Variants in CHAF1B observed in about 807,000 individuals in gnomAD.
CHAF1B encodes the protein CAF-1 subunit B.
CHAF1B carries 10 observed loss-of-function variants against 60.7 expected under a neutral mutation model. That is an observed-to-expected ratio of 0.16 (90% CI 0.10 to 0.28). CHAF1B has a LOEUF of 0.28. Among genes scored for constraint, CHAF1B ranks in the 10% least tolerant of loss-of-function variants. CHAF1B has a pLI of 1.00. For missense variants in CHAF1B, 558 were observed against 708.4 expected (o/e 0.79, Z 2.41); for synonymous variants, 261 against 266.1 (o/e 0.98, Z 0.19).
At chr21:36,411,402 T>C in intron 10 of CHAF1B, 61 bp from the exon 11 acceptor site, 3 of 1,594,188 alleles carry the variant, frequency 1.9e-6, no homozygotes, top group Non-Finnish European at 2.6e-6. Flanking sequence ...GCGTGAGCCA[T>C]TGCACCTGGT....
intron 4 of CHAF1B, among the ~76,000 whole-genome samples, chr21:36,392,919 A>G (rs1249018135): frequency 6.6e-6 from 1 of 152,190 alleles, no homozygotes; most frequent in Non-Finnish European, 1.5e-5. Flanking sequence ...CAGCCTGGGC[A>G]ACATTGAGCA....
chr21:36,399,359 T>C, intron 6 of CHAF1B, 162 bp from the exon 7 acceptor site: 2 of 628,226 alleles, frequency 3.2e-6, no homozygotes, highest in Non-Finnish European at 5.7e-6. Context: ...AGGTTGTTAA[T>C]ACTTGCTTCC....
intron 12 of CHAF1B, among the ~76,000 whole-genome samples, chr21:36,414,017 C>A (rs1188474702): frequency 6.6e-6 from 1 of 152,194 alleles, no homozygotes; most frequent in African/African-American, 2.4e-5. Flanking sequence ...CAAATAATCC[C>A]CAGGAGGTGC....
chr21:36,403,979 A>G (rs1024450945), intron 8 of CHAF1B, among the ~76,000 whole-genome samples: 13 of 152,226 alleles, frequency 8.5e-5, no homozygotes, highest in African/African-American at 3.1e-4. Flanking sequence ...ACACTGCGGA[A>G]CATGTGCGAA....
intron 8 of CHAF1B, among the ~76,000 whole-genome samples, chr21:36,406,053 T>G (rs1412818256): frequency 6.6e-6 from 1 of 152,076 alleles, no homozygotes; most frequent in African/African-American, 2.4e-5. Flanking sequence ...GGTGTTGCTA[T>G]AGGACCAAAC....
At position 36,386,771 on chromosome 21, in the gene CHAF1B, T is replaced by A. The variant is rs901998352; in HGVS notation, c.126+509T>A. Among the ~76,000 whole-genome samples, 5 of 151,546 alleles carry A rather than the reference T, an allele frequency of 3.3e-5. No homozygotes were observed. In the Admixed American group the frequency reaches 3.3e-4, roughly 10 times the overall value. On this transcript the variant is annotated intron_variant, in intron 2 of 13. Transcript: ENST00000314103. The stretch of plus-strand genomic sequence containing the variant: ...CTCTGTTGCCCAGGTGGGAGTGCAG[T>A]GGTGCAATCTCGACTTACTGCAACC...
At chr21:36,412,659 G>A (rs914784878) in intron 11 of CHAF1B, 4 of 534,094 alleles carry the variant, frequency 7.5e-6, no homozygotes, top group Non-Finnish European at 1.3e-5. Flanking sequence ...ACCGCACCCG[G>A]CCTATTCAAG....
intron 4 of CHAF1B, among the ~76,000 whole-genome samples, chr21:36,393,128 G>A (rs1211767757): frequency 6.6e-6 from 1 of 152,196 alleles, no homozygotes; most frequent in Non-Finnish European, 1.5e-5. Context: ...AGGAGAATCA[G>A]GCAGGGAGGT....
Position 36,386,234 on chromosome 21 carries a change from C to T in CHAF1B, c.98C>T (p.Ala33Val). ...ACGGCTGGGAGGATCCACAGACTGG[C>T]GTCTGCCGGCGTGGACACCAATGTC... ...HGTAGRIHRL[A>V]SAGVDTNVRI... Residue 33 changes from alanine to valine, a missense_variant, in exon 2 of 14, where the codon GCG becomes GTG. This residue lies in a region of CHAF1B where 325 missense variants were observed against 493.5 expected (regional missense o/e 0.66). Transcript: ENST00000314103. 1.9e-6 allele frequency: 3 copies of T among 1,614,152 alleles called. No individual in the cohort carries two copies. The highest frequency in any genetic ancestry group is 2.2e-5 in the East Asian group (1 of 44,886).
At chr21:36,395,967 C>T (rs2086133935) in intron 5 of CHAF1B, among the ~76,000 whole-genome samples, 3 of 151,814 alleles carry the variant, frequency 2.0e-5, no homozygotes, top group Non-Finnish European at 1.5e-5. Context: ...TCCAGCCAAG[C>T]CATCCTCCAT....
chr21:36,400,122 G>A (rs1029064084), intron 7 of CHAF1B, among the ~76,000 whole-genome samples: 3 of 151,974 alleles, frequency 2.0e-5, no homozygotes, highest in Admixed American at 6.6e-5. Context: ...GGTCTTAGCC[G>A]TGAGCGGAGA....
At chr21:36,399,179 C>T (rs566258301) in intron 6 of CHAF1B, among the ~76,000 whole-genome samples, 3 of 151,892 alleles carry the variant, frequency 2.0e-5, no homozygotes, top group Admixed American at 1.3e-4. Flanking sequence ...GGATTACAGG[C>T]GCCCACCACC....
intron 4 of CHAF1B, 139 bp downstream of exon 4, chr21:36,391,807 C>T: frequency 2.1e-6 from 1 of 473,958 alleles, no homozygotes; most frequent in East Asian, 3.8e-5. Context: ...ACTGTGATCA[C>T]AGTACCCTGC....
At chr21:36,411,355 C>T in intron 10 of CHAF1B, 108 bp from the exon 11 acceptor site, 3 of 1,316,888 alleles carry the variant, frequency 2.3e-6, no homozygotes, top group South Asian at 1.3e-5. Context: ...CTCAAGTGAT[C>T]CACCCGGCTC....
chr21:36,416,372 C>T lies in CHAF1B; in HGVS notation c.*6C>T. ...CGGAAAGTCTGGACCCTTGATGGGA[C>T]CTCGGCTTCTGCTCGAAGCCTACCA... On this transcript the variant is annotated 3_prime_UTR_variant, in exon 14 of 14. Coordinates refer to ENST00000314103, the MANE Select transcript of CHAF1B (RefSeq NM_005441.3). The T allele has an allele frequency of 6.2e-7, 1 of 1,612,130 alleles. No homozygotes were observed. Among genetic ancestry groups the T allele is most frequent in the Non-Finnish European group, 8.5e-7 (1 of 1,178,948 alleles).
rs58186613 is a variant in CHAF1B at position 36,397,929 on chromosome 21, C to T, written c.578+418C>T. 1,140 of 152,480 alleles carry T rather than the reference C, an allele frequency of 7.5e-3. 119 individuals carry two copies. The East Asian group carries it at 0.2, about 26-fold the overall frequency. 9.4% of individuals were successfully genotyped at this position (152,480 alleles called of 1,614,324 possible). On this transcript the variant is annotated intron_variant, in intron 6 of 13. Transcript: ENST00000314103. The stretch of plus-strand genomic sequence containing the variant: ...TTTTAGTAGAGACAGGGTTTCACCA[C>T]GTTGGTCAAGCTGTTCTCAAACTCC...
intron 10 of CHAF1B, among the ~76,000 whole-genome samples, chr21:36,409,709 G>A (rs1239247536): frequency 2.0e-5 from 3 of 151,914 alleles, no homozygotes; most frequent in Non-Finnish European, 2.9e-5. Flanking sequence ...TGTTGCCAAG[G>A]CTGGTCTTGA....
intron 4 of CHAF1B, among the ~76,000 whole-genome samples, chr21:36,393,038 C>T (rs1169397672): frequency 1.3e-5 from 2 of 152,184 alleles, no homozygotes; most frequent in African/African-American, 4.8e-5. Context: ...AGCGAAACCC[C>T]ATCTCCACCA....
intron 13 of CHAF1B, chr21:36,415,823 G>T (rs1397075555): frequency 5.2e-6 from 2 of 387,416 alleles, no homozygotes; most frequent in Non-Finnish European, 1.0e-5. Context: ...CACGATTTCG[G>T]CTCACTGCAG....
Sources: allele counts gnomAD v4.1 joint callset (sites outside exome capture counted in the v4.1 genomes callset), GRCh38; gene constraint gnomAD v4.1.1; regional missense constraint gnomAD v4.1.1; transcripts MANE v1.5; gene names NCBI Gene and HGNC (gene_info 2026-07-23, HGNC 2026-07-21).